Variants in CYP3A4 observed in about 807,000 individuals in gnomAD.
CYP3A4 encodes the protein cytochrome P450 family 3 subfamily A member 4.
CYP3A4 carries 41 observed loss-of-function variants against 54.9 expected under a neutral mutation model. The observed-to-expected ratio is 0.75, with a 90% confidence interval of 0.58 to 0.97. The LOEUF is 0.97. Among genes scored for constraint, CYP3A4 ranks in the 50% least tolerant of loss-of-function variants. The pLI is 0.00. For synonymous variants in CYP3A4, 179 were observed against 205.2 expected (o/e 0.87, Z 1.09); for missense variants, 510 against 597.3 (o/e 0.85, Z 1.52).
chr7:99,765,269 C>T (rs1311808837), intron 9 of CYP3A4, among the ~76,000 whole-genome samples: 1 of 152,146 alleles, frequency 6.6e-6, no homozygotes, highest in Non-Finnish European at 1.5e-5. Context: ...TAAAATTGAT[C>T]TTCAATGGCA....
At chr7:99,783,319 A>G (rs1293248360) in intron 1 of CYP3A4, among the ~76,000 whole-genome samples, 1 of 152,164 alleles carries the variant, frequency 6.6e-6, no homozygotes, top group Non-Finnish European at 1.5e-5. Flanking sequence ...TTCTACTGCA[A>G]CATAAAGGGG....
Position 99,757,483 on chromosome 7 carries a change from T to G in CYP3A4, c.*650A>C, listed in dbSNP as rs1207473916. 6.6e-6 allele frequency: 1 copy of G among 152,626 alleles called. No homozygotes were observed. Among genetic ancestry groups the G allele is most frequent in the Non-Finnish European group, 1.5e-5 (1 of 68,396 alleles). 9.5% of individuals were successfully genotyped at this position (152,626 alleles called of 1,614,324 possible). ...CTGTGCCTGATCAAAAAAGGCATAA[T>G]TAAACTATGAATATTCTTTCTAAAC... On this transcript the variant is annotated 3_prime_UTR_variant, in exon 13 of 13. Transcript: ENST00000651514.
chr7:99,781,868 T>C (rs1276434882), intron 1 of CYP3A4, among the ~76,000 whole-genome samples: 1 of 152,244 alleles, frequency 6.6e-6, no homozygotes, highest in Non-Finnish European at 1.5e-5. Context: ...TTCTCTTCTT[T>C]AAAGGGTAGC....
At chr7:99,783,308 C>T (rs1815973153) in intron 1 of CYP3A4, among the ~76,000 whole-genome samples, 1 of 152,182 alleles carries the variant, frequency 6.6e-6, no homozygotes, top group Non-Finnish European at 1.5e-5. Context: ...GATTCATCCT[C>T]TTCTACTGCA....
At position 99,768,817 on chromosome 7, in the gene CYP3A4, A is replaced by C. The variant is rs559293669; in HGVS notation, c.522-315T>G. ...GCATGTATTGATTGTGGATGATACA[A>C]GATGGGTAAGCACTGTGCTTCAGCA... On this transcript the variant is annotated intron_variant, in intron 6 of 12. Coordinates refer to ENST00000651514, the MANE Select transcript of CYP3A4 (RefSeq NM_017460.6). Among the ~76,000 whole-genome samples, 3 of 152,320 alleles carry C rather than the reference A, an allele frequency of 2.0e-5. 1 individual carries two copies. Among genetic ancestry groups the C allele is most frequent in the Admixed American group, 2.0e-4 (3 of 15,300 alleles).
chr7:99,769,265 CCT>C (rs1239020936), intron 6 of CYP3A4, among the ~76,000 whole-genome samples: 4 of 152,056 alleles, frequency 2.6e-5, no homozygotes, highest in Non-Finnish European at 5.9e-5. Flanking sequence ...TTTTTACCAC[CCT>C]CTCTCTTTGA....
chr7:99,757,217 C>T lies in CYP3A4; in HGVS notation c.*916G>A, dbSNP rs1476576121. 6.6e-6 allele frequency: 1 copy of T among 152,254 alleles called. No homozygotes were observed. Among genetic ancestry groups the T allele is most frequent in the African/African-American group, 2.4e-5 (1 of 41,462 alleles). The allele number at this position is 152,254 out of a possible 1,614,324, so 9.4% of individuals were successfully genotyped here. A position where few individuals can be genotyped will look rare whatever the true frequency, so the allele number is the denominator to read the frequency against. ...AGACTGAGTCTCACTCTCACCCAGACTGGAGTGCAGTGGTGCAATCTCAGC... is the reference window on the plus strand; with the variant it reads ...AGACTGAGTCTCACTCTCACCCAGATTGGAGTGCAGTGGTGCAATCTCAGC... On this transcript the variant is annotated 3_prime_UTR_variant, in exon 13 of 13. Coordinates refer to ENST00000651514, the MANE Select transcript of CYP3A4 (RefSeq NM_017460.6).
chr7:99,758,133 T>C lies in CYP3A4; in HGVS notation c.1512A>G (p.Ter504TrpextTer27). Residue 504 changes from the stop codon to tryptophan (W), a stop_lost, in exon 13 of 13, where the codon TGA (stop) becomes TGG (tryptophan). Transcript: ENST00000651514. ...ESRDGTVSGA[*>W] is the part of the protein sequence containing the mutation. ...GCAAAGCAGAAGTCCTTAGGAAAAT[T>C]CAGGCTCCACTTACGGTGCCATCCC... 6.2e-7 allele frequency: 1 copy of C among 1,613,424 alleles called. No individual in the cohort carries two copies.
intron 8 of CYP3A4, 121 bp from the exon 9 acceptor site, chr7:99,766,564 T>C (rs772544879): frequency 2.5e-6 from 3 of 1,218,826 alleles, no homozygotes; most frequent in South Asian, 2.6e-5. Context: ...AGAAATCTGA[T>C]GCATGTTGCC....
rs1185282833 is a variant in CYP3A4 at position 99,779,901 on chromosome 7, C to A, written c.165+91G>T. 5.7e-6 allele frequency: 7 copies of A among 1,223,230 alleles called. No individual in the cohort carries two copies. In the African/African-American group the frequency reaches 1.1e-4, roughly 19 times the overall value. 75.8% of individuals were successfully genotyped at this position (1,223,230 alleles called of 1,614,324 possible). On this transcript the variant is annotated intron_variant, in intron 2 of 12. Coordinates refer to ENST00000651514, the MANE Select transcript of CYP3A4 (RefSeq NM_017460.6). The stretch of plus-strand genomic sequence containing the variant: ...GTTTCTGAAAGTGTAAAACTTCAGA[C>A]CTTCCCCCTGAGGAGAAGCATTTTT...
intron 1 of CYP3A4, among the ~76,000 whole-genome samples, chr7:99,782,603 T>C (rs750920923): frequency 1.3e-5 from 2 of 152,118 alleles, no homozygotes; most frequent in Non-Finnish European, 2.9e-5. Context: ...GCAAACATGT[T>C]TGTCCTTTGA....
chr7:99,759,441 CAT>C (rs1491056937), intron 12 of CYP3A4, among the ~76,000 whole-genome samples: 3 of 148,422 alleles, frequency 2.0e-5, no homozygotes, highest in Non-Finnish European at 4.4e-5. Flanking sequence ...CACACACACA[CAT>C]GCATATGCAC....
intron 11 of CYP3A4, among the ~76,000 whole-genome samples, chr7:99,761,554 A>G (rs1481332558): frequency 1.3e-5 from 2 of 152,052 alleles, no homozygotes; most frequent in Non-Finnish European, 2.9e-5. Context: ...GAAGTCAGAT[A>G]ATTTACACAG....
At chr7:99,781,903 T>C (rs1284267985) in intron 1 of CYP3A4, among the ~76,000 whole-genome samples, 1 of 152,226 alleles carries the variant, frequency 6.6e-6, no homozygotes, top group Non-Finnish European at 1.5e-5. Context: ...AGGTTCCAAA[T>C]ATTCTGTACA....
intron 1 of CYP3A4, among the ~76,000 whole-genome samples, chr7:99,782,801 T>C (rs1348524294): frequency 2.6e-5 from 4 of 152,128 alleles, no homozygotes; most frequent in Non-Finnish European, 4.4e-5. Context: ...TTGTTTGAAA[T>C]AGGGGTATTA....
At chr7:99,760,092 C>T (rs971930120) in intron 12 of CYP3A4, among the ~76,000 whole-genome samples, 2 of 152,060 alleles carry the variant, frequency 1.3e-5, no homozygotes, top group African/African-American at 2.4e-5. Context: ...GCTTCGGCCT[C>T]CCAAAGTGCT....
At chr7:99,775,962 CCAGAATCTA>C (rs1815760936) in intron 3 of CYP3A4, among the ~76,000 whole-genome samples, 1 of 152,134 alleles carries the variant, frequency 6.6e-6, no homozygotes, top group South Asian at 2.1e-4. Context: ...GGGCTAACAT[CCAGAATCTA>C]CAAAGAACTT....
intron 5 of CYP3A4, 84 bp from the exon 6 acceptor site, chr7:99,769,940 G>A: frequency 6.3e-7 from 1 of 1,598,260 alleles, no homozygotes; most frequent in Non-Finnish European, 8.6e-7. Context: ...GCATGGAGCA[G>A]TAAGTGACAT....
chr7:99,771,148 A>G (rs74345875), intron 4 of CYP3A4, among the ~76,000 whole-genome samples: 1,641 of 152,192 alleles, frequency 0.011, 19 homozygotes, highest in Non-Finnish European at 0.015. Context: ...AATAAAAGGC[A>G]TACAGATTGG....
Sources: allele counts gnomAD v4.1 joint callset (sites outside exome capture counted in the v4.1 genomes callset), GRCh38; gene constraint gnomAD v4.1.1; transcripts MANE v1.5; gene names NCBI Gene and HGNC (gene_info 2026-07-23, HGNC 2026-07-21).